Variants in ACOD1 observed in about 807,000 individuals in gnomAD.
ACOD1 encodes aconitate decarboxylase 1, also known as cis-aconitate decarboxylase.
ACOD1 carries 14 observed loss-of-function variants against 14.2 expected under a neutral mutation model. That is an observed-to-expected ratio of 0.99 (90% CI 0.65 to 1.54). The LOEUF (loss-of-function observed/expected upper bound fraction) is 1.54. Ranked by LOEUF, ACOD1 falls within the 40% of genes most tolerant of loss-of-function variation. ACOD1 has a pLI of 0.00. For synonymous variants in ACOD1, 182 were observed against 221.7 expected, an observed-to-expected ratio of 0.82 and a Z score of 1.59; for missense variants, 530 against 586.3, an observed-to-expected ratio of 0.90 and a Z score of 0.99.
rs1224301979 is a variant in ACOD1 at position 76,952,501 on chromosome 13, A to T, written c.25A>T (p.Ser9Cys). The T allele has an allele frequency of 3.9e-6, 6 of 1,550,306 alleles. No homozygotes were observed. The highest frequency in any genetic ancestry group is 1.2e-5 in the South Asian group (1 of 84,042). Reference sequence around the variant, plus strand: ...CTTCCCTTTAAAGTCTATCACAGAAAGCTTTGCCACAGCAATCCATGGCTT... The same window carrying T: ...CTTCCCTTTAAAGTCTATCACAGAATGCTTTGCCACAGCAATCCATGGCTT... MMLKSITE[S>C]FATAIHGLKV... Residue 9 changes from serine to cysteine, a missense_variant, in exon 2 of 5, where the codon AGC (serine) becomes TGC (cysteine). Physicochemically the swap from Ser to Cys is moderately radical, Grantham distance 112. Coordinates refer to ENST00000377462, the MANE Select transcript of ACOD1 (RefSeq NM_001258406.2).
rs1219881852 is a variant in ACOD1, at chr13:76,955,153, GA to G, written c.265-158del. On this transcript the variant is annotated intron_variant, in intron 3 of 4. Transcript: ENST00000377462. ...AAAAAAAAAAAAAAAAAAAAAAAAA[GA>G]AAAAAAATCACAGACATTTCTCAGA... 2.0e-3 allele frequency among the ~76,000 whole-genome samples: 219 copies of G among 108,298 alleles called. 1 individual carries two copies. Among genetic ancestry groups the G allele is most frequent in the African/African-American group, 7.0e-3 (200 of 28,450 alleles). The allele number at this position is 108,298 out of a possible 152,430, so 71.0% of individuals were successfully genotyped here.
Position 76,957,698 on chromosome 13 carries a change from G to A in ACOD1, c.1159G>A (p.Glu387Lys), listed in dbSNP as rs977224430. 1.9e-6 allele frequency: 3 copies of A among 1,550,530 alleles called. No individual in the cohort carries two copies. The highest frequency in any genetic ancestry group is 2.4e-5 in the East Asian group (1 of 40,928). Residue 387 changes from glutamate to lysine, a missense_variant, in exon 5 of 5, where the codon GAA (glutamate) becomes AAA (lysine). Glu to Lys is a moderately conservative substitution (Grantham distance 56, BLOSUM62 1). Coordinates refer to ENST00000377462, the MANE Select transcript of ACOD1 (RefSeq NM_001258406.2). ...NLPSFNILYCEISVTLKDGAT... is the reference protein window; with the variant it reads ...NLPSFNILYCKISVTLKDGAT... Reference sequence around the variant, plus strand: ...GCCAAGCTTCAACATACTGTACTGTGAAATAAGTGTCACCCTCAAGGATGG... The same window carrying A: ...GCCAAGCTTCAACATACTGTACTGTAAAATAAGTGTCACCCTCAAGGATGG...
intron 3 of ACOD1, among the ~76,000 whole-genome samples, chr13:76,953,972 C>CA (rs955036987): frequency 5.3e-5 from 8 of 152,142 alleles, no homozygotes; most frequent in South Asian, 4.1e-4. Flanking sequence ...ATATAAATAG[C>CA]AAAAAAATAT....
At chr13:76,955,547 C>A (rs2033867181) in intron 4 of ACOD1, 23 bp downstream of exon 4, 14 of 1,541,790 alleles carry the variant, frequency 9.1e-6, no homozygotes, top group Non-Finnish European at 1.2e-5. Context: ...TTTGCCCCAT[C>A]AAAAGGTAGT....
Position 76,957,961 on chromosome 13 carries a change from T to C in ACOD1, c.1422T>C (p.Asn474=). 1 of 1,534,606 alleles carries C rather than the reference T, an allele frequency of 6.5e-7. No individual in the cohort carries two copies. Among genetic ancestry groups the C allele is most frequent in the East Asian group, 2.4e-5 (1 of 40,848 alleles). The change falls in exon 5 of 5, where the codon AAT becomes AAC. Residue 474 remains asparagine (N), a synonymous_variant. Coordinates refer to ENST00000377462, the MANE Select transcript of ACOD1 (RefSeq NM_001258406.2). ...TAGCTTCAAACTCTCCAGCATGTAA[T>C]AATTCTATCACAAATCTCTCCTGAG... ...PEVASNSPAC[N]NSITNLS is the part of the protein sequence containing the mutation.
chr13:76,949,892 T>C (rs1208731675), intron 1 of ACOD1, among the ~76,000 whole-genome samples: 1 of 152,208 alleles, frequency 6.6e-6, no homozygotes, highest in Non-Finnish European at 1.5e-5. Flanking sequence ...AACATTATTG[T>C]TATTCTTCCA....
intron 1 of ACOD1, among the ~76,000 whole-genome samples, chr13:76,951,317 C>T (rs899585789): frequency 1.1e-4 from 16 of 152,254 alleles, no homozygotes; most frequent in Non-Finnish European, 2.2e-4. Context: ...CTCACTGCAA[C>T]CTCCGCCTCC....
At chr13:76,953,764 T>A in intron 3 of ACOD1, 75 bp downstream of exon 3, 1 of 965,676 alleles carries the variant, frequency 1.0e-6, no homozygotes, top group Non-Finnish European at 1.6e-6. Context: ...TCTCAGAAAT[T>A]GCCCAAATTC....
intron 3 of ACOD1, 47 bp from the exon 4 acceptor site, chr13:76,955,272 A>C (rs1366119242): frequency 6.8e-7 from 1 of 1,474,244 alleles, no homozygotes; most frequent in Non-Finnish European, 9.3e-7. Context: ...CATTGCATTA[A>C]GGGAAAATTT....
chr13:76,952,815 T>C (rs2033835695), intron 2 of ACOD1, among the ~76,000 whole-genome samples, 165 bp downstream of exon 2: 1 of 152,340 alleles, frequency 6.6e-6, no homozygotes, highest in Admixed American at 6.5e-5. Context: ...TAGTCATCCA[T>C]ATTCTTTACT....
intron 3 of ACOD1, 47 bp downstream of exon 3, chr13:76,953,736 T>C (rs995739348): frequency 2.6e-6 from 3 of 1,157,834 alleles, no homozygotes; most frequent in Admixed American, 4.0e-5. Context: ...ATCATAATAA[T>C]TTTAGAGTCA....
chr13:76,948,929 G>C (rs984022906), intron 1 of ACOD1, among the ~76,000 whole-genome samples: 1 of 152,116 alleles, frequency 6.6e-6, no homozygotes, highest in Non-Finnish European at 1.5e-5. Context: ...ATCCAGTATT[G>C]ACTTGGCAGT....
intron 1 of ACOD1, among the ~76,000 whole-genome samples, chr13:76,950,834 G>A (rs977092047): frequency 1.3e-5 from 2 of 152,142 alleles, no homozygotes; most frequent in African/African-American, 2.4e-5. Context: ...TGACATCACA[G>A]TCTTTAGAGT....
intron 4 of ACOD1, 24 bp from the exon 5 acceptor site, chr13:76,956,986 C>T: frequency 6.5e-7 from 1 of 1,530,478 alleles, no homozygotes; most frequent in Non-Finnish European, 8.8e-7. Flanking sequence ...TGTACATCTC[C>T]AACTCTGCTT....
chr13:76,957,667 C>T lies in ACOD1; in HGVS notation c.1128C>T (p.Asp376=), dbSNP rs762328004. ...AGGTGGAGCTGGAGTACCCTCCGGA[C>T]AACTTGCCAAGCTTCAACATACTGT... The part of the protein sequence containing the change: ...LSKVELEYPP[D]NLPSFNILYC... Residue 376 remains aspartate, a synonymous_variant, in exon 5 of 5, where the codon GAC becomes GAT. Coordinates refer to ENST00000377462, the MANE Select transcript of ACOD1 (RefSeq NM_001258406.2). 1 of 1,550,606 alleles carries T rather than the reference C, an allele frequency of 6.4e-7. No homozygotes were observed. The highest frequency in any genetic ancestry group is 1.2e-5 in the South Asian group (1 of 84,060).
chr13:76,952,602 C>T lies in ACOD1; in HGVS notation c.126C>T (p.Phe42=). Residue 42 remains phenylalanine, a synonymous_variant, in exon 2 of 5, where the codon TTC becomes TTT. Coordinates refer to ENST00000377462, the MANE Select transcript of ACOD1 (RefSeq NM_001258406.2). ...TTCTAGACACTCTGGGTGCTGGGTT[C>T]CTGGGAACCACTACGGAAGTGTTTC... is the stretch of plus-strand genomic sequence containing the variant. ...RMILDTLGAG[F]LGTTTEVFHI... 6.4e-7 allele frequency: 1 copy of T among 1,550,472 alleles called. No individual in the cohort carries two copies. The highest frequency in any genetic ancestry group is 8.7e-7 in the Non-Finnish European group (1 of 1,146,966).
intron 3 of ACOD1, among the ~76,000 whole-genome samples, chr13:76,954,370 T>C (rs139616240): frequency 6.6e-6 from 1 of 152,284 alleles, no homozygotes; most frequent in East Asian, 1.9e-4. Context: ...GATATAAAAA[T>C]CTATTTTTAA....
intron 1 of ACOD1, among the ~76,000 whole-genome samples, chr13:76,949,481 A>G (rs1299925642): frequency 6.6e-6 from 1 of 152,162 alleles, no homozygotes; most frequent in Non-Finnish European, 1.5e-5. Context: ...GGCCAGGGAC[A>G]GCCATGTGTT....
intron 1 of ACOD1, among the ~76,000 whole-genome samples, chr13:76,949,504 G>A (rs2033802920): frequency 6.6e-6 from 1 of 152,084 alleles, no homozygotes; most frequent in Admixed American, 6.5e-5. Flanking sequence ...TTGGCACACA[G>A]GGTGCTGTTC....
Sources: gnomAD v4.1 joint callset for allele counts (sites outside exome capture counted in the v4.1 genomes callset) on GRCh38, gnomAD v4.1.1 for gene constraint, MANE v1.5 for transcripts, NCBI Gene and HGNC (gene_info 2026-07-23, HGNC 2026-07-21) for gene names.